The following DOCK8 variants were observed in gnomAD, a reference collection of about 807,000 sequenced individuals.
DOCK8 encodes the protein dedicator of cytokinesis protein 8.
DOCK8 carries 141 observed loss-of-function variants against 245.6 expected under a neutral mutation model. The observed-to-expected ratio is 0.57, with a 90% CI of 0.50 to 0.66. The LOEUF (loss-of-function observed/expected upper bound fraction) is 0.66. Among genes scored for constraint, DOCK8 ranks in the 30% least tolerant of loss-of-function variants. DOCK8 has a pLI of 0.00. For synonymous variants in DOCK8, 1,168 were observed against 970.2 expected, an observed-to-expected ratio of 1.20 and a Z score of -3.79; for missense variants, 2,965 against 2,603.4, an observed-to-expected ratio of 1.14 and a Z score of -3.02.
chr9:369,184 C>T (rs1051443735), intron 15 of DOCK8: 1 of 151,702 alleles, frequency 6.6e-6, no homozygotes, highest in African/African-American at 2.4e-5. Flanking sequence ...AAAAAAAAAA[C>T]CTTTCTCCTA....
At chr9:261,921 G>T (rs2047925385) in intron 1 of DOCK8, among the ~76,000 whole-genome samples, 1 of 151,652 alleles carries the variant, frequency 6.6e-6, no homozygotes, top group African/African-American at 2.4e-5. Context: ...TTTTGGCTAG[G>T]TTTCATAACT....
At chr9:301,874 T>A (rs1026800095) in intron 4 of DOCK8, among the ~76,000 whole-genome samples, 10 of 152,160 alleles carry the variant, frequency 6.6e-5, no homozygotes, top group African/African-American at 2.4e-4. Flanking sequence ...AAATATTCCA[T>A]GCTCGTGGAT....
chr9:379,155 G>C (rs2053635069), intron 20 of DOCK8, among the ~76,000 whole-genome samples: 1 of 152,156 alleles, frequency 6.6e-6, no homozygotes, highest in African/African-American at 2.4e-5. Context: ...AGCCAAAAAG[G>C]GTACAAGGTT....
intron 14 of DOCK8, chr9:365,620 A>G (rs1420160172): frequency 6.6e-6 from 3 of 454,510 alleles, no homozygotes; most frequent in Middle Eastern, 6.5e-4. Flanking sequence ...GCTGTTGCTC[A>G]TTAATGCTCA....
At chr9:297,855 C>T (rs761670266) in intron 4 of DOCK8, among the ~76,000 whole-genome samples, 15 of 152,202 alleles carry the variant, frequency 9.9e-5, no homozygotes, top group Admixed American at 2.6e-4. Flanking sequence ...TTCAAACACA[C>T]AGTCATAGAA....
intron 24 of DOCK8, 80 bp downstream of exon 24, chr9:390,646 C>T (rs1244804625): frequency 1.5e-6 from 2 of 1,369,112 alleles, no homozygotes; most frequent in East Asian, 4.6e-5. Flanking sequence ...ATTTTGTTCA[C>T]TGAGTTGCCC....
At chr9:282,199 T>C (rs1343528557) in intron 2 of DOCK8, among the ~76,000 whole-genome samples, 1 of 152,206 alleles carries the variant, frequency 6.6e-6, no homozygotes. Flanking sequence ...AACAACTGCC[T>C]GTGATCCTCT....
At chr9:324,538 G>GT (rs1435294534) in intron 7 of DOCK8, among the ~76,000 whole-genome samples, 1 of 152,022 alleles carries the variant, frequency 6.6e-6, no homozygotes, top group African/African-American at 2.4e-5. Context: ...GGGATTCACC[G>GT]TTTCGAGGGG....
At chr9:225,989 C>A (rs1445710500) in intron 1 of DOCK8, among the ~76,000 whole-genome samples, 2 of 152,074 alleles carry the variant, frequency 1.3e-5, no homozygotes, top group South Asian at 4.1e-4. Context: ...AAGAACGAAT[C>A]ACATAAAAGC....
At chr9:383,700 CAAAAA>C (rs1164310899) in intron 22 of DOCK8, among the ~76,000 whole-genome samples, 7 of 69,928 alleles carry the variant, frequency 1.0e-4, no homozygotes, top group East Asian at 4.9e-4. Context: ...GACTCCGTCT[CAAAAA>C]AAAAAAAAAA....
Position 441,499 on chromosome 9 carries a change from T to C in DOCK8, c.5355+82T>C, listed in dbSNP as rs1230310952. 6.3e-6 allele frequency: 10 copies of C among 1,596,038 alleles called. No homozygotes were observed. In the Admixed American group the frequency reaches 1.7e-4, roughly 27 times the overall value. ...TACAGATGCTTAGCCATCCTTCCTCTCCAGGGAGTGATTTATCTTTAGCAC... is the reference window on the plus strand; with the variant it reads ...TACAGATGCTTAGCCATCCTTCCTCCCCAGGGAGTGATTTATCTTTAGCAC... On this transcript the variant is annotated intron_variant, in intron 41 of 47. Coordinates refer to ENST00000432829, the MANE Select transcript of DOCK8 (RefSeq NM_203447.4).
At chr9:310,252 T>A (rs1426404803) in intron 5 of DOCK8, among the ~76,000 whole-genome samples, 20 of 137,692 alleles carry the variant, frequency 1.5e-4, no homozygotes, top group African/African-American at 5.6e-4. Flanking sequence ...GGCCAAAAAA[T>A]GTGAAACTCC....
At chr9:404,478 C>T (rs1052406707) in intron 26 of DOCK8, among the ~76,000 whole-genome samples, 5 of 152,048 alleles carry the variant, frequency 3.3e-5, no homozygotes, top group East Asian at 1.9e-4. Context: ...TTAGAAACTA[C>T]GAGAGAACAC....
chr9:310,606 T>A (rs147496735), intron 5 of DOCK8, among the ~76,000 whole-genome samples: 1 of 152,290 alleles, frequency 6.6e-6, no homozygotes, highest in Admixed American at 6.5e-5. Context: ...TTATAGGCAC[T>A]GGCCACCATG....
At chr9:406,830 T>C in intron 27 of DOCK8, 100 bp from the exon 28 acceptor site, 2 of 1,514,904 alleles carry the variant, frequency 1.3e-6, no homozygotes, top group Admixed American at 1.7e-5. Context: ...TGGGGAGGGC[T>C]CACGAAGCCT....
intron 14 of DOCK8, among the ~76,000 whole-genome samples, chr9:342,284 GTTTTTCT>G (rs1482981405): frequency 7.8e-5 from 10 of 128,240 alleles, no homozygotes; most frequent in South Asian, 7.8e-4. Flanking sequence ...AGATTGATTT[GTTTTTCT>G]TTTTTCTTTT....
intron 4 of DOCK8, 71 bp from the exon 5 acceptor site, chr9:304,510 T>C (rs2049717479): frequency 6.3e-7 from 1 of 1,598,276 alleles, no homozygotes; most frequent in Admixed American, 1.7e-5. Context: ...CCATTACTTT[T>C]ATTTTTAATC....
chr9:390,326 A>T, intron 23 of DOCK8, 145 bp from the exon 24 acceptor site: 8 of 762,556 alleles, frequency 1.0e-5, no homozygotes, highest in Non-Finnish European at 1.8e-5. Context: ...TTTGCCATCC[A>T]CCACTTACTG....
intron 26 of DOCK8, among the ~76,000 whole-genome samples, chr9:403,946 G>GTATATATATATGTA (rs2055273864): frequency 1.0e-4 from 8 of 76,270 alleles, no homozygotes; most frequent in Admixed American, 2.8e-4. Flanking sequence ...ATATATATGT[G>GTATATATATATGTA]TATATATATA....
Sources: allele counts gnomAD v4.1 joint callset (sites outside exome capture counted in the v4.1 genomes callset), GRCh38; gene constraint gnomAD v4.1.1; transcripts MANE v1.5; gene names NCBI Gene and HGNC (gene_info 2026-07-23, HGNC 2026-07-21).